SLC9C1: variants seen among roughly 807,000 people sequenced by gnomAD.
SLC9C1 encodes the protein solute carrier family 9 member C1, also known as sodium/hydrogen exchanger 10.
A neutral mutation model predicts 140.9 loss-of-function variants in SLC9C1; 97 were observed. The ratio of observed to expected loss-of-function variants is 0.69; its 90% CI spans 0.58 to 0.82. The LOEUF (loss-of-function observed/expected upper bound fraction) is 0.82. Ranked by LOEUF, SLC9C1 falls within the 40% of genes least tolerant of loss-of-function variation. The probability of loss-of-function intolerance (pLI) is 0.00; values close to 1 mark genes in which losing one functional copy is unlikely to be tolerated. For synonymous variants in SLC9C1, 440 were observed against 442.6 expected, an observed-to-expected ratio of 0.99 and a Z score of 0.07; for missense variants, 1,340 against 1,389.3, an observed-to-expected ratio of 0.96 and a Z score of 0.56.
At chr3:112,217,420 T>C in intron 15 of SLC9C1, 22 bp downstream of exon 15, 1 of 1,562,722 alleles carries the variant, frequency 6.4e-7, no homozygotes. Flanking sequence ...TAGCATTTCT[T>C]ATAAGGTTCA....
chr3:112,279,026 T>C (rs2080291699), intron 3 of SLC9C1, 169 bp from the exon 4 acceptor site: 2 of 548,398 alleles, frequency 3.6e-6, no homozygotes, highest in Non-Finnish European at 3.0e-6. Flanking sequence ...TAATTGGCCA[T>C]GGCTTATGTA....
chr3:112,258,308 C>T (rs2079668997), intron 10 of SLC9C1, among the ~76,000 whole-genome samples: 1 of 152,188 alleles, frequency 6.6e-6, no homozygotes, highest in Non-Finnish European at 1.5e-5. Context: ...CCCACCATGG[C>T]AGATTGGATA....
At chr3:112,190,449 C>T (rs964039034) in intron 20 of SLC9C1, among the ~76,000 whole-genome samples, 17 of 151,906 alleles carry the variant, frequency 1.1e-4, no homozygotes, top group African/African-American at 3.4e-4. Context: ...CATGAATGGC[C>T]GTTGAATTTT....
chr3:112,157,200 G>A (rs894642006), intron 26 of SLC9C1, among the ~76,000 whole-genome samples: 9 of 151,794 alleles, frequency 5.9e-5, no homozygotes, highest in African/African-American at 2.2e-4. Context: ...TTTCTATATG[G>A]TAATAGATGG....
intron 27 of SLC9C1, among the ~76,000 whole-genome samples, chr3:112,152,269 CAT>C (rs1191470887): frequency 4.6e-5 from 7 of 152,044 alleles, no homozygotes; most frequent in South Asian, 2.1e-4. Context: ...AGCAGGAAAA[CAT>C]GTGAGCAAAG....
chr3:112,148,408 C>CTTTTCATG (rs1251196364), intron 28 of SLC9C1, among the ~76,000 whole-genome samples: 1 of 152,112 alleles, frequency 6.6e-6, no homozygotes, highest in Non-Finnish European at 1.5e-5. Flanking sequence ...TTTTGTAATT[C>CTTTTCATG]TTTTCATGTG....
intron 27 of SLC9C1, among the ~76,000 whole-genome samples, chr3:112,152,431 T>C (rs2075012474): frequency 6.6e-6 from 1 of 152,152 alleles, no homozygotes; most frequent in Non-Finnish European, 1.5e-5. Context: ...GAGGCGATTT[T>C]CTCCTATCTC....
chr3:112,279,163 A>G (rs1218963918), intron 3 of SLC9C1, among the ~76,000 whole-genome samples: 1 of 152,202 alleles, frequency 6.6e-6, no homozygotes, highest in Non-Finnish European at 1.5e-5. Context: ...CTAGGTATCC[A>G]TTCAATATTC....
chr3:112,252,666 A>G (rs1191632779), intron 10 of SLC9C1, among the ~76,000 whole-genome samples: 5 of 152,036 alleles, frequency 3.3e-5, no homozygotes, highest in African/African-American at 1.2e-4. Flanking sequence ...CAGAGCTCTC[A>G]GAAGGTGGAG....
At chr3:112,146,387 T>A (rs1399418244) in intron 28 of SLC9C1, among the ~76,000 whole-genome samples, 2 of 152,174 alleles carry the variant, frequency 1.3e-5, no homozygotes, top group African/African-American at 4.8e-5. Context: ...TTTTTCTAGT[T>A]CCTAAGGGGT....
At chr3:112,280,559 C>A in intron 3 of SLC9C1, 124 bp downstream of exon 3, 1 of 794,090 alleles carries the variant, frequency 1.3e-6, no homozygotes. Flanking sequence ...CTAGCCACAT[C>A]ACAATCATCT....
chr3:112,287,092 C>A (rs575370900), intron 1 of SLC9C1, among the ~76,000 whole-genome samples: 1 of 152,278 alleles, frequency 6.6e-6, no homozygotes, highest in South Asian at 2.1e-4. Flanking sequence ...TGTTTACTTA[C>A]AATGCCAAGC....
At chr3:112,175,571 T>G (rs148112305) in intron 23 of SLC9C1, among the ~76,000 whole-genome samples, 6 of 152,210 alleles carry the variant, frequency 3.9e-5, no homozygotes, top group African/African-American at 1.4e-4. Context: ...ACAGCAAAGA[T>G]GGTGGTCCAC....
At chr3:112,254,526 T>A (rs1245528661) in intron 10 of SLC9C1, among the ~76,000 whole-genome samples, 1 of 152,030 alleles carries the variant, frequency 6.6e-6, no homozygotes, top group African/African-American at 2.4e-5. Context: ...TTTTTTTATT[T>A]CAGATAAGCA....
At chr3:112,194,644 C>T (rs2077732671) in intron 20 of SLC9C1, among the ~76,000 whole-genome samples, 1 of 152,068 alleles carries the variant, frequency 6.6e-6, no homozygotes, top group Non-Finnish European at 1.5e-5. Flanking sequence ...TGACTATATA[C>T]CCAGAAAAGG....
intron 26 of SLC9C1, among the ~76,000 whole-genome samples, chr3:112,165,572 C>T (rs1027184347): frequency 3.3e-5 from 5 of 152,188 alleles, no homozygotes; most frequent in African/African-American, 1.2e-4. Flanking sequence ...GCAGTGGAGG[C>T]TGCACAACAG....
At chr3:112,230,528 T>C (rs2078792268) in intron 13 of SLC9C1, among the ~76,000 whole-genome samples, 1 of 152,176 alleles carries the variant, frequency 6.6e-6, no homozygotes, top group Non-Finnish European at 1.5e-5. Context: ...CTCAATTGCT[T>C]AAAGAAGTTA....
intron 12 of SLC9C1, among the ~76,000 whole-genome samples, chr3:112,238,700 G>T (rs561758606): frequency 2.7e-4 from 41 of 152,362 alleles, no homozygotes; most frequent in African/African-American, 9.6e-4. Flanking sequence ...CTGCAAGTCT[G>T]CTGGAGTTTG....
chr3:112,277,907 C>T (rs567941601), intron 4 of SLC9C1, 47 bp from the exon 5 acceptor site: 39 of 1,452,044 alleles, frequency 2.7e-5, no homozygotes, highest in Admixed American at 2.0e-4. Flanking sequence ...CTTTTGTAGT[C>T]CATTTTAAGA....
Sources: allele counts gnomAD v4.1 joint callset (sites outside exome capture counted in the v4.1 genomes callset), GRCh38; gene constraint gnomAD v4.1.1; transcripts MANE v1.5; gene names NCBI Gene and HGNC (gene_info 2026-07-23, HGNC 2026-07-21).